SEPTIN9: variants seen among roughly 807,000 people sequenced by gnomAD.
SEPTIN9 encodes septin 9.
SEPTIN9 carries 13 observed loss-of-function variants against 56.6 expected under a neutral mutation model. That is an observed-to-expected ratio of 0.23 (90% CI 0.15 to 0.37). SEPTIN9 has a LOEUF of 0.37. Among genes scored for constraint, SEPTIN9 ranks in the 10% least tolerant of loss-of-function variants. The pLI, the probability that SEPTIN9 is intolerant of heterozygous loss-of-function variation, is 1.00. For missense variants in SEPTIN9, 650 were observed against 823.1 expected (o/e 0.79, Z 2.57); for synonymous variants, 332 against 334.1 (o/e 0.99, Z 0.07).
At chr17:77,422,538 G>A (rs1049454697) in intron 3 of SEPTIN9, among the ~76,000 whole-genome samples, 5 of 152,132 alleles carry the variant, frequency 3.3e-5, no homozygotes, top group East Asian at 1.9e-4. Flanking sequence ...GGGTAAGAGC[G>A]GGCTGGGGGT....
At chr17:77,452,104 T>C (rs1424462781) in intron 3 of SEPTIN9, among the ~76,000 whole-genome samples, 5 of 152,194 alleles carry the variant, frequency 3.3e-5, no homozygotes, top group Non-Finnish European at 7.3e-5. Flanking sequence ...GTTGGATATG[T>C]GCAGGGCGTT....
intron 2 of SEPTIN9, among the ~76,000 whole-genome samples, chr17:77,399,172 C>T (rs1336396967): frequency 5.3e-5 from 8 of 152,322 alleles, no homozygotes; most frequent in South Asian, 2.1e-4. Flanking sequence ...TAGACTCAAT[C>T]GTAAGCTCAC....
intron 2 of SEPTIN9, among the ~76,000 whole-genome samples, chr17:77,356,312 G>A (rs1375186528): frequency 1.3e-5 from 2 of 152,110 alleles, no homozygotes; most frequent in African/African-American, 2.4e-5. Context: ...TGGGAGACCC[G>A]GTGGGGACTC....
chr17:77,359,142 T>C (rs763705864), intron 2 of SEPTIN9, among the ~76,000 whole-genome samples: 5 of 152,208 alleles, frequency 3.3e-5, no homozygotes, highest in Non-Finnish European at 7.3e-5. Flanking sequence ...TCCTTCCCAC[T>C]GGCCAGAACC....
At chr17:77,345,573 G>A (rs952118342) in intron 2 of SEPTIN9, among the ~76,000 whole-genome samples, 1 of 152,218 alleles carries the variant, frequency 6.6e-6, no homozygotes, top group African/African-American at 2.4e-5. Context: ...AGAGGGTATG[G>A]GTGGGCAGGA....
At chr17:77,493,178 T>A in intron 10 of SEPTIN9, 102 bp downstream of exon 10, 1 of 884,966 alleles carries the variant, frequency 1.1e-6, no homozygotes, top group Non-Finnish European at 1.8e-6. Context: ...TCGTGGAACC[T>A]CATCCACTGC....
At chr17:77,283,179 A>T (rs9902952) in intron 1 of SEPTIN9, among the ~76,000 whole-genome samples, 1,840 of 60,164 alleles carry the variant, frequency 0.031, 18 homozygotes, top group East Asian at 0.061. Flanking sequence ...TTTTTTTTTT[A>T]AAAAAAAGGA....
At position 77,330,154 on chromosome 17, in the gene SEPTIN9, G is replaced by A. The variant is rs1241796419; in HGVS notation, c.76+22957G>A. ...TTCGGGACAGACCCCTGTGATCGCTGGGTGTTCCTGATGCTCTGTCCCCTC... is the reference window on the plus strand; with the variant it reads ...TTCGGGACAGACCCCTGTGATCGCTAGGTGTTCCTGATGCTCTGTCCCCTC... On this transcript the variant is annotated intron_variant, in intron 2 of 11. Transcript: ENST00000427177. This position sits in a 1 kb window ranked among gnomAD's most constrained non-coding sequence, Gnocchi z 4.4. 6.6e-6 allele frequency among the ~76,000 whole-genome samples: 1 copy of A among 152,242 alleles called. No individual in the cohort carries two copies. Among genetic ancestry groups the A allele is most frequent in the Non-Finnish European group, 1.5e-5 (1 of 68,044 alleles).
Position 77,281,507 on chromosome 17 carries a change from T to C in SEPTIN9, c.-29T>C. The C allele has an allele frequency of 6.5e-7, 1 of 1,546,346 alleles. No individual in the cohort carries two copies. The highest frequency in any genetic ancestry group is 2.5e-5 in the East Asian group (1 of 40,462). On this transcript the variant is annotated 5_prime_UTR_variant, in exon 1 of 12. Coordinates refer to ENST00000427177, the MANE Select transcript of SEPTIN9 (RefSeq NM_001113491.2). ...CGCCCCGCTGCCTCGCCGCCACACT[T>C]TCCTGGGAGCGGCGGCCACGGAGGC...
chr17:77,395,877 G>A (rs747303730), intron 2 of SEPTIN9, among the ~76,000 whole-genome samples: 1 of 152,186 alleles, frequency 6.6e-6, no homozygotes, highest in Non-Finnish European at 1.5e-5. Context: ...CTGTTTCCAG[G>A]TTTTGTCAGT....
At chr17:77,416,071 C>G (rs908069944) in intron 3 of SEPTIN9, among the ~76,000 whole-genome samples, 1 of 152,224 alleles carries the variant, frequency 6.6e-6, no homozygotes, top group Non-Finnish European at 1.5e-5. Context: ...AAGACAGGCC[C>G]AGCCCTGCAC....
At chr17:77,432,051 G>A (rs916605260) in intron 3 of SEPTIN9, among the ~76,000 whole-genome samples, 2 of 152,076 alleles carry the variant, frequency 1.3e-5, no homozygotes, top group East Asian at 1.9e-4. Flanking sequence ...GGGGTGGGGG[G>A]CAGCAGGGGG....
intron 2 of SEPTIN9, among the ~76,000 whole-genome samples, chr17:77,344,034 C>T (rs1952764414): frequency 6.6e-6 from 1 of 152,094 alleles, no homozygotes; most frequent in Non-Finnish European, 1.5e-5. Flanking sequence ...TTGGACTTCA[C>T]CAAAACTTAA....
rs1169710709 is a variant in SEPTIN9 at position 77,407,643 on chromosome 17, A to T, written c.721+4940A>T. 3.3e-5 allele frequency among the ~76,000 whole-genome samples: 5 copies of T among 152,114 alleles called. 1 individual carries two copies. Among genetic ancestry groups the T allele is most frequent in the South Asian group, 2.1e-4 (1 of 4,830 alleles). On this transcript the variant is annotated intron_variant, in intron 3 of 11. Coordinates refer to ENST00000427177, the MANE Select transcript of SEPTIN9 (RefSeq NM_001113491.2). Reference sequence around the variant, plus strand: ...GGAGGGAGAGGAAGAGAGGCGCTGCAGAGGGCAGAGGCATCCCTGCCTGCT... The same window carrying T: ...GGAGGGAGAGGAAGAGAGGCGCTGCTGAGGGCAGAGGCATCCCTGCCTGCT...
chr17:77,403,003 T>A (rs1568041343), intron 3 of SEPTIN9, among the ~76,000 whole-genome samples: 1 of 152,124 alleles, frequency 6.6e-6, no homozygotes, highest in Non-Finnish European at 1.5e-5. Flanking sequence ...GACCTCTGTC[T>A]GCTGTGTGTC....
chr17:77,474,567 A>G (rs549447651), intron 3 of SEPTIN9, among the ~76,000 whole-genome samples: 1 of 152,270 alleles, frequency 6.6e-6, no homozygotes, highest in Non-Finnish European at 1.5e-5. Flanking sequence ...CTGGAGGCCA[A>G]GGCCTCAGTG....
chr17:77,396,163 A>G (rs1206142471), intron 2 of SEPTIN9, among the ~76,000 whole-genome samples: 1 of 152,090 alleles, frequency 6.6e-6, no homozygotes, highest in Admixed American at 6.6e-5. Flanking sequence ...ACACTGCTTT[A>G]CCTTCCAGTG....
chr17:77,399,263 G>A (rs939346227), intron 2 of SEPTIN9, among the ~76,000 whole-genome samples: 2 of 152,218 alleles, frequency 1.3e-5, no homozygotes, highest in Non-Finnish European at 2.9e-5. Flanking sequence ...GGACTCCCAA[G>A]GAGGGGGTTC....
intron 2 of SEPTIN9, among the ~76,000 whole-genome samples, chr17:77,381,025 C>G (rs977183290): frequency 2.0e-5 from 3 of 152,204 alleles, no homozygotes; most frequent in Non-Finnish European, 2.9e-5. Flanking sequence ...TTCGCAGCCT[C>G]CAACCCATAG....
Sources: allele counts gnomAD v4.1 joint callset (sites outside exome capture counted in the v4.1 genomes callset), GRCh38; gene constraint gnomAD v4.1.1; non-coding constraint Gnocchi (gnomAD v3.1); transcripts MANE v1.5; gene names NCBI Gene and HGNC (gene_info 2026-07-23, HGNC 2026-07-21).